The following DHRS4L2 variants were observed in gnomAD, a reference collection of about 807,000 sequenced individuals.
DHRS4L2 encodes dehydrogenase/reductase 4 like 2, also known as dehydrogenase/reductase SDR family member 4-like 2.
Under a neutral mutation model 23.9 loss-of-function variants are expected in DHRS4L2, and 22 were observed. The ratio of observed to expected loss-of-function variants is 0.92; its 90% CI spans 0.66 to 1.31. The LOEUF (loss-of-function observed/expected upper bound fraction) is 1.31, where lower values mean the gene tolerates loss of function less well. DHRS4L2 is among the 40% of genes most tolerant of loss of function. The probability of loss-of-function intolerance (pLI) is 0.00; values close to 1 mark genes in which losing one functional copy is unlikely to be tolerated. For synonymous variants in DHRS4L2, 141 were observed against 123.7 expected, an observed-to-expected ratio of 1.14 and a Z score of -0.93; for missense variants, 385 against 303.3, an observed-to-expected ratio of 1.27 and a Z score of -2.00.
chr14:23,974,379 GACA>G (rs2033926726), intron 1 of DHRS4L2, among the ~76,000 whole-genome samples: 1 of 151,120 alleles, frequency 6.6e-6, no homozygotes, highest in Non-Finnish European at 1.5e-5. Context: ...GCTAGCAGAA[GACA>G]ACAAATAATG....
intron 1 of DHRS4L2, among the ~76,000 whole-genome samples, chr14:23,976,994 A>C (rs892369323): frequency 6.6e-6 from 1 of 151,756 alleles, no homozygotes; most frequent in African/African-American, 2.4e-5. Context: ...TAGGAGAAAT[A>C]CCTAATGTAA....
rs1019397238 is a variant in DHRS4L2 at position 23,996,050 on chromosome 14, G to A, written c.408+917G>A. Among the ~76,000 whole-genome samples the A allele has an allele frequency of 7.3e-5, 11 of 151,674 alleles. 1 individual carries two copies. Among genetic ancestry groups the A allele is most frequent in the Non-Finnish European group, 1.0e-4 (7 of 67,894 alleles). ...TACAATCATGGCAGAAGGAAAAAGG[G>A]AGCAAGTGTGTCACATGGCAAGACA... is the stretch of plus-strand genomic sequence containing the variant. On this transcript the variant is annotated intron_variant, in intron 3 of 7. Coordinates refer to ENST00000335125, the MANE Select transcript of DHRS4L2 (RefSeq NM_198083.4).
At chr14:23,979,253 T>C (rs1294980571) in intron 1 of DHRS4L2, among the ~76,000 whole-genome samples, 1 of 146,740 alleles carries the variant, frequency 6.8e-6, no homozygotes, top group Non-Finnish European at 1.5e-5. Flanking sequence ...CTATCCTAAA[T>C]ATATATGTAC....
intron 1 of DHRS4L2, among the ~76,000 whole-genome samples, chr14:23,983,436 G>A (rs1260419930): frequency 1.3e-5 from 2 of 151,676 alleles, no homozygotes; most frequent in Admixed American, 6.6e-5. Flanking sequence ...GTTGGTGGTA[G>A]TGTAAATTAG....
intron 1 of DHRS4L2, among the ~76,000 whole-genome samples, chr14:23,973,094 A>G (rs140512674): frequency 3.8e-4 from 57 of 151,946 alleles, no homozygotes; most frequent in African/African-American, 1.2e-3. Flanking sequence ...GCCTTCCTCT[A>G]TCTCGACTGC....
rs1052988956 is a variant in DHRS4L2, at chr14:24,004,244, G to A, written c.666-93G>A. The A allele has an allele frequency of 3.4e-5, 50 of 1,456,508 alleles. 1 individual carries two copies. The highest frequency in any genetic ancestry group is 4.4e-5 in the Non-Finnish European group (49 of 1,107,434). 90.2% of individuals were successfully genotyped at this position (1,456,508 alleles called of 1,614,324 possible). On this transcript the variant is annotated intron_variant, in intron 6 of 7. Coordinates refer to ENST00000335125, the MANE Select transcript of DHRS4L2 (RefSeq NM_198083.4). The stretch of plus-strand genomic sequence containing the variant: ...AGATAGCGCCACTACAGTCCGGCCT[G>A]GGCAAAAGAGCAAGACTCCGTCTCT...
intron 1 of DHRS4L2, among the ~76,000 whole-genome samples, chr14:23,974,644 C>A (rs755688539): frequency 9.9e-5 from 15 of 151,718 alleles, no homozygotes; most frequent in Non-Finnish European, 1.9e-4. Context: ...AACTAGAAAA[C>A]CTAGAAGAAT....
chr14:23,974,920 A>G (rs2033938002), intron 1 of DHRS4L2, among the ~76,000 whole-genome samples: 1 of 151,882 alleles, frequency 6.6e-6, no homozygotes, highest in African/African-American at 2.4e-5. Flanking sequence ...TCATCCGGAT[A>G]TCAAAGCTTG....
intron 2 of DHRS4L2, among the ~76,000 whole-genome samples, chr14:23,993,165 A>C (rs940548695): frequency 6.1e-5 from 9 of 148,640 alleles, no homozygotes; most frequent in African/African-American, 1.8e-4. Context: ...AGCACAGTGC[A>C]CATCACTTAT....
upstream of DHRS4L2, among the ~76,000 whole-genome samples, chr14:23,985,221 G>C (rs1322322662): frequency 2.6e-5 from 4 of 151,744 alleles, no homozygotes; most frequent in East Asian, 7.7e-4. Context: ...TCAGTGGAAT[G>C]CTGAGTTGGT....
At chr14:23,984,607 C>T (rs186817294), upstream of DHRS4L2, among the ~76,000 whole-genome samples, 14 of 151,266 alleles carry the variant, frequency 9.3e-5, no homozygotes, top group Admixed American at 9.2e-4. Context: ...CCATCCTGGC[C>T]AACATGGTGA....
In DHRS4L2 at chr14:23,975,862, T is replaced by A. The variant is rs151044743; in HGVS notation, c.-176+5530T>A. Among the ~76,000 whole-genome samples, 421 of 151,874 alleles carry A rather than the reference T, an allele frequency of 2.8e-3. 7 individuals carry two copies. The highest frequency in any genetic ancestry group is 9.4e-3 in the African/African-American group (390 of 41,404). ...ACAGAAACAAGCAATGGGGAAAGGA[T>A]TCCCTATTTAATAAATGGTGCTGGG... On this transcript the variant is annotated intron_variant, in intron 1 of 5. Transcript: ENST00000534993.
chr14:23,987,713 T>C (rs1420513310), upstream of DHRS4L2, among the ~76,000 whole-genome samples: 3 of 151,766 alleles, frequency 2.0e-5, no homozygotes, highest in Non-Finnish European at 4.4e-5. Flanking sequence ...TAAAGGACTG[T>C]TAAATAAGCT....
chr14:23,990,231 G>T lies in DHRS4L2; in HGVS notation c.178G>T (p.Val60Phe). ...RRLAQDRAHV[V>F]VSSRKQQNVD... is the part of the protein sequence containing the mutation. ...TTTGGCCCAGGACAGGGCCCACGTGGTCGTCAGCAGCCGGAAGCAGCAGAA... is the reference window on the plus strand; with the variant it reads ...TTTGGCCCAGGACAGGGCCCACGTGTTCGTCAGCAGCCGGAAGCAGCAGAA... Residue 60 changes from valine to phenylalanine, a missense_variant, in exon 2 of 8, where the codon GTC becomes TTC. Physicochemically the swap from Val to Phe is conservative, Grantham distance 50 (BLOSUM62 -1). Coordinates refer to ENST00000335125, the MANE Select transcript of DHRS4L2 (RefSeq NM_198083.4). 1.2e-6 allele frequency: 2 copies of T among 1,612,908 alleles called. No individual in the cohort carries two copies. The highest frequency in any genetic ancestry group is 1.1e-5 in the South Asian group (1 of 90,932).
rs141812877 is a variant in DHRS4L2, at chr14:23,972,358, T to C, written c.-176+2026T>C. 5.7e-4 allele frequency among the ~76,000 whole-genome samples: 86 copies of C among 152,056 alleles called. 1 individual carries two copies. The East Asian group carries it at 0.016, about 29-fold the overall frequency. On this transcript the variant is annotated intron_variant, in intron 1 of 5. Coordinates refer to the DHRS4L2 transcript ENST00000534993. ...GCTCTTAAGGCAGCATGTCTGGAGTTGTTCGTTCCTCCTGTCTGGAGTTGT... is the reference window on the plus strand; with the variant it reads ...GCTCTTAAGGCAGCATGTCTGGAGTCGTTCGTTCCTCCTGTCTGGAGTTGT...
At chr14:23,986,517 A>AAG (rs1566491558), upstream of DHRS4L2, among the ~76,000 whole-genome samples, 15 of 150,302 alleles carry the variant, frequency 1.0e-4, no homozygotes, top group East Asian at 3.9e-4. Flanking sequence ...TAAAAAAAAA[A>AAG]AAAGAAAGAA....
upstream of DHRS4L2, among the ~76,000 whole-genome samples, chr14:23,984,805 CAAA>C (rs568852943): frequency 3.6e-4 from 24 of 67,458 alleles, no homozygotes; most frequent in South Asian, 5.8e-3. Flanking sequence ...GATGCCATCT[CAAA>C]AAAAAAAAAA....
At chr14:23,972,286 T>G (rs370721068) in intron 1 of DHRS4L2, among the ~76,000 whole-genome samples, 1 of 151,910 alleles carries the variant, frequency 6.6e-6, no homozygotes, top group Non-Finnish European at 1.5e-5. Flanking sequence ...TTCGTGGTCT[T>G]GCTGGCTTCA....
chr14:24,001,176 T>A lies in DHRS4L2; in HGVS notation c.531+92T>A, dbSNP rs2034480932. On this transcript the variant is annotated intron_variant, in intron 5 of 7. Coordinates refer to ENST00000335125, the MANE Select transcript of DHRS4L2 (RefSeq NM_198083.4). ...ACCCAAAGAAGTTTGTGTCCCCTTG[T>A]AGAATCACACCACCAAGTCCCTGCC... 2.5e-6 allele frequency: 4 copies of A among 1,605,162 alleles called. No homozygotes were observed. The South Asian group carries it at 4.4e-5, about 18-fold the overall frequency.
Sources: gnomAD v4.1 joint callset for allele counts (sites outside exome capture counted in the v4.1 genomes callset) on GRCh38, gnomAD v4.1.1 for gene constraint, MANE v1.5 for transcripts, NCBI Gene and HGNC (gene_info 2026-07-23, HGNC 2026-07-21) for gene names.